Variants in DLGAP2 observed in about 807,000 individuals in gnomAD.
DLGAP2 encodes the protein DLG associated protein 2.
In DLGAP2, 26 loss-of-function variants were observed where a neutral mutation model predicts 100.3. That is an observed-to-expected ratio of 0.26 (90% CI 0.19 to 0.36). The LOEUF is 0.36. Among genes scored for constraint, DLGAP2 ranks in the 10% least tolerant of loss-of-function variants. DLGAP2 has a pLI of 1.00. For synonymous variants in DLGAP2, 886 were observed against 630.1 expected, an observed-to-expected ratio of 1.41 and a Z score of -6.08; for missense variants, 1,858 against 1,453.2, an observed-to-expected ratio of 1.28 and a Z score of -4.53.
intron 1 of DLGAP2, among the ~76,000 whole-genome samples, chr8:747,718 C>T (rs534715166): frequency 7.7e-4 from 30 of 38,712 alleles, no homozygotes; most frequent in South Asian, 1.5e-3. Context: ...GTGGAATGAA[C>T]GTGTCTGCGG....
intron 6 of DLGAP2, among the ~76,000 whole-genome samples, chr8:1,624,756 G>C (rs62483070): frequency 0.19 from 28,884 of 151,868 alleles, 2,838 homozygotes; most frequent in Middle Eastern, 0.36. Context: ...CCCAGGTGCA[G>C]CGGGAGTCGG....
chr8:973,372 C>T lies in DLGAP2; in HGVS notation c.73+65406C>T, dbSNP rs1243369980. Among the ~76,000 whole-genome samples, 180 of 151,396 alleles carry T rather than the reference C, an allele frequency of 1.2e-3. 1 individual carries two copies. The highest frequency in any genetic ancestry group is 2.3e-3 in the Non-Finnish European group (154 of 67,858). On this transcript the variant is annotated intron_variant, in intron 2 of 14. Coordinates refer to ENST00000637795, the MANE Select transcript of DLGAP2 (RefSeq NM_001346810.2). ...CTTCCCAGACGGGGTGGCTGCCGGG[C>T]GGAGGGGCTCCTCACTTCTCAGACG...
chr8:770,149 A>G (rs1465573863), intron 1 of DLGAP2, among the ~76,000 whole-genome samples: 1 of 152,182 alleles, frequency 6.6e-6, no homozygotes, highest in Non-Finnish European at 1.5e-5. Flanking sequence ...CATTATCCCT[A>G]TTTATTCAGA....
intron 4 of DLGAP2, 89 bp downstream of exon 4, chr8:1,501,520 A>G: frequency 7.9e-7 from 1 of 1,267,344 alleles, no homozygotes; most frequent in Admixed American, 2.3e-5. Context: ...ACCGTCCCAC[A>G]AACACACGTT....
intron 3 of DLGAP2, among the ~76,000 whole-genome samples, chr8:1,338,754 G>T (rs13256102): frequency 7.5e-6 from 1 of 133,562 alleles, no homozygotes; most frequent in African/African-American, 3.0e-5. Flanking sequence ...GCAGGATGAG[G>T]TACGCACCCT....
At chr8:1,625,115 G>C (rs1797458851) in intron 6 of DLGAP2, among the ~76,000 whole-genome samples, 1 of 152,130 alleles carries the variant, frequency 6.6e-6, no homozygotes, top group Non-Finnish European at 1.5e-5. Flanking sequence ...ACTTTGAAAA[G>C]AAAGTGTGTG....
At chr8:959,938 G>C (rs1029169501) in intron 2 of DLGAP2, among the ~76,000 whole-genome samples, 1 of 152,004 alleles carries the variant, frequency 6.6e-6, no homozygotes, top group African/African-American at 2.4e-5. Context: ...AGTGAGGAAA[G>C]GAATACTGAA....
intron 2 of DLGAP2, among the ~76,000 whole-genome samples, chr8:1,193,618 G>A (rs1376788): frequency 2.0e-5 from 3 of 151,716 alleles, no homozygotes; most frequent in Admixed American, 6.6e-5. Context: ...CTGTGTGTCC[G>A]CTGGTGGATA....
At chr8:1,674,245 A>G (rs989668803) in intron 10 of DLGAP2, among the ~76,000 whole-genome samples, 1 of 152,104 alleles carries the variant, frequency 6.6e-6, no homozygotes, top group African/African-American at 2.4e-5. Context: ...GGGTCTTGCC[A>G]TGTTGCCTAG....
intron 1 of DLGAP2, among the ~76,000 whole-genome samples, chr8:859,834 T>C (rs1399861318): frequency 6.6e-6 from 1 of 152,106 alleles, no homozygotes; most frequent in African/African-American, 2.4e-5. Flanking sequence ...AGGGGCCACC[T>C]CACAGGCAGC....
chr8:901,468 G>A (rs1465215427), intron 1 of DLGAP2, among the ~76,000 whole-genome samples: 1 of 152,226 alleles, frequency 6.6e-6, no homozygotes, highest in Non-Finnish European at 1.5e-5. Flanking sequence ...ACACCTTTTG[G>A]TTGGTAGAGA....
At chr8:1,207,199 G>C (rs1454824913) in intron 2 of DLGAP2, among the ~76,000 whole-genome samples, 1 of 152,204 alleles carries the variant, frequency 6.6e-6, no homozygotes, top group East Asian at 1.9e-4. Flanking sequence ...CATGTACACT[G>C]TACCCAACGT....
chr8:1,603,886 A>C (rs561811848), intron 6 of DLGAP2, among the ~76,000 whole-genome samples: 1 of 152,252 alleles, frequency 6.6e-6, no homozygotes, highest in African/African-American at 2.4e-5. Flanking sequence ...ATATTTGGTG[A>C]GATTCCATGC....
intron 1 of DLGAP2, among the ~76,000 whole-genome samples, chr8:876,974 A>T (rs891536599): frequency 1.4e-5 from 2 of 146,352 alleles, no homozygotes; most frequent in Non-Finnish European, 3.0e-5. Context: ...GAATTTCCAT[A>T]TGGTTATTTC....
chr8:901,537 G>A (rs550761358), intron 1 of DLGAP2, among the ~76,000 whole-genome samples: 1 of 152,342 alleles, frequency 6.6e-6, no homozygotes, highest in South Asian at 2.1e-4. Flanking sequence ...ATCCAGAGAG[G>A]AGCGAGACGT....
intron 4 of DLGAP2, among the ~76,000 whole-genome samples, chr8:1,543,657 A>G (rs1801437337): frequency 6.6e-6 from 1 of 152,156 alleles, no homozygotes; most frequent in South Asian, 2.1e-4. Flanking sequence ...TTTGCTTCTC[A>G]GGACCCATTG....
At chr8:1,538,885 C>CTTT (rs11285812) in intron 4 of DLGAP2, among the ~76,000 whole-genome samples, 1 of 110,352 alleles carries the variant, frequency 9.1e-6, no homozygotes. Context: ...TGTCACTCAT[C>CTTT]TTTTTTTTTT....
intron 2 of DLGAP2, among the ~76,000 whole-genome samples, chr8:1,007,852 C>G (rs184831398): frequency 2.9e-4 from 44 of 152,218 alleles, no homozygotes; most frequent in African/African-American, 9.6e-4. Context: ...AATTTATAAA[C>G]TTCTCAGTTT....
intron 3 of DLGAP2, among the ~76,000 whole-genome samples, chr8:1,412,649 G>A (rs958544268): frequency 6.6e-6 from 1 of 152,222 alleles, no homozygotes; most frequent in African/African-American, 2.4e-5. Context: ...GGAGCCCACT[G>A]TGAAGATCAC....
Sources: gnomAD v4.1 joint callset for allele counts (sites outside exome capture counted in the v4.1 genomes callset) on GRCh38, gnomAD v4.1.1 for gene constraint, MANE v1.5 for transcripts, NCBI Gene and HGNC (gene_info 2026-07-23, HGNC 2026-07-21) for gene names.